Variants in NDRG4 observed in about 807,000 individuals in gnomAD.
NDRG4 encodes the protein NDRG family member 4.
In NDRG4, 38 loss-of-function variants were observed where a neutral mutation model predicts 55.8. That is an observed-to-expected ratio of 0.68 (90% CI 0.53 to 0.89). The LOEUF (loss-of-function observed/expected upper bound fraction) is 0.89, where lower values mean the gene tolerates loss of function less well. NDRG4 is among the 40% of genes least tolerant of loss of function. The pLI, the probability that NDRG4 is intolerant of heterozygous loss-of-function variation, is 0.00. For missense variants in NDRG4, 455 were observed against 468.6 expected, an observed-to-expected ratio of 0.97 and a Z score of 0.27; for synonymous variants, 190 against 182.7, an observed-to-expected ratio of 1.04 and a Z score of -0.32.
chr16:58,482,409 C>T (rs1016610846), intron 1 of NDRG4, among the ~76,000 whole-genome samples: 36 of 152,158 alleles, frequency 2.4e-4, no homozygotes, highest in African/African-American at 8.7e-4. Context: ...TCTAACTTCA[C>T]TCCATTTAAG....
chr16:58,508,385 G>A (rs902967533), intron 10 of NDRG4, among the ~76,000 whole-genome samples: 21 of 152,288 alleles, frequency 1.4e-4, no homozygotes, highest in African/African-American at 4.3e-4. Flanking sequence ...CCCTTTTCCC[G>A]TCACCTGCAG....
rs966610724 is a variant in NDRG4, at chr16:58,464,257, G to A, written c.-24+460G>A. 1.2e-4 allele frequency: 56 copies of A among 464,476 alleles called. No homozygotes were observed. The highest frequency in any genetic ancestry group is 1.0e-4 in the Non-Finnish European group (29 of 280,666). The allele number at this position is 464,476 out of a possible 1,614,324, so 28.8% of individuals were successfully genotyped here. ...TGGATTTTTTTAAACCGTTTTGGAGGGGGGAGCGCGGCGTTGGGGGCGGGA... is the reference window on the plus strand; with the variant it reads ...TGGATTTTTTTAAACCGTTTTGGAGAGGGGAGCGCGGCGTTGGGGGCGGGA... On this transcript the variant is annotated intron_variant, in intron 1 of 15. Coordinates refer to the NDRG4 transcript ENST00000258187. This position sits in a 1 kb window ranked among gnomAD's most constrained non-coding sequence, Gnocchi z 4.8.
intron 5 of NDRG4, among the ~76,000 whole-genome samples, chr16:58,505,718 T>C (rs1221164813): frequency 5.5e-5 from 7 of 127,872 alleles, no homozygotes; most frequent in African/African-American, 9.6e-5. Context: ...ATTTTCTTTT[T>C]TTTTTTTTTT....
intron 1 of NDRG4, among the ~76,000 whole-genome samples, chr16:58,486,414 C>T (rs2035084004): frequency 6.6e-6 from 1 of 151,782 alleles, no homozygotes. Flanking sequence ...CCGGCCTCAG[C>T]CTCTCAAAAT....
At chr16:58,478,879 A>G (rs2034067222) in intron 1 of NDRG4, among the ~76,000 whole-genome samples, 1 of 152,120 alleles carries the variant, frequency 6.6e-6, no homozygotes, top group Admixed American at 6.6e-5. Context: ...ATAGGATTAA[A>G]AAAAGAATCT....
At position 58,512,142 on chromosome 16, in the gene NDRG4, G is replaced by T; in HGVS notation, c.*566G>T. The T allele has an allele frequency of 4.4e-6, 2 of 455,968 alleles. No homozygotes were observed. Among genetic ancestry groups the T allele is most frequent in the South Asian group, 3.1e-5 (2 of 64,420 alleles). The allele number at this position is 455,968 out of a possible 1,614,324, so 28.2% of individuals were successfully genotyped here. A position where few individuals can be genotyped will look rare whatever the true frequency, so the allele number is the denominator to read the frequency against. ...CTCTGGGCCCAGCTGGTGCTGTAGG[G>T]CCACGCAGGCAGGGGCGTCAAGGGG... On this transcript the variant is annotated 3_prime_UTR_variant, in exon 15 of 15. Coordinates refer to ENST00000570248, the MANE Select transcript of NDRG4 (RefSeq NM_001242835.2).
intron 5 of NDRG4, 110 bp downstream of exon 5, chr16:58,504,759 G>T (rs1023298938): frequency 9.1e-7 from 1 of 1,097,072 alleles, no homozygotes; most frequent in Non-Finnish European, 1.4e-6. Flanking sequence ...CCCTGCTCTC[G>T]CTTCTCCTCC....
intron 1 of NDRG4, among the ~76,000 whole-genome samples, chr16:58,470,906 CCAAAAAAAAAAA>C (rs2032659475): frequency 1.3e-5 from 1 of 79,774 alleles, no homozygotes; most frequent in Admixed American, 1.6e-4. Context: ...GACACCATCT[CCAAAAAAAAAAA>C]AAAAAAAAAG....
Position 58,464,391 on chromosome 16 carries a change from C to G in NDRG4, c.-24+594C>G. On this transcript the variant is annotated intron_variant, in intron 1 of 15. Transcript: ENST00000258187. The surrounding 1 kb of genome is among the most constrained non-coding windows in gnomAD (Gnocchi z 4.8). ...CCCGGCTCGGCCGAGCGCGCTGCCC[C>G]GACGCCGCCACCCAGAGCCGGGCCG... The G allele has an allele frequency of 7.3e-7, 1 of 1,369,834 alleles. No individual in the cohort carries two copies. The highest frequency in any genetic ancestry group is 9.4e-7 in the Non-Finnish European group (1 of 1,065,422). 84.9% of individuals were successfully genotyped at this position (1,369,834 alleles called of 1,614,324 possible).
intron 5 of NDRG4, among the ~76,000 whole-genome samples, chr16:58,505,300 G>T (rs530321882): frequency 6.6e-6 from 1 of 151,696 alleles, no homozygotes; most frequent in East Asian, 1.9e-4. Context: ...AGTGAGCTGA[G>T]ATCGCGCCAC....
rs1036108287 is a variant in NDRG4, at chr16:58,478,345, C to T, written c.-23-9411C>T. Among the ~76,000 whole-genome samples, 11 of 151,066 alleles carry T rather than the reference C, an allele frequency of 7.3e-5. No homozygotes were observed. In the South Asian group the frequency reaches 1.2e-3, roughly 17 times the overall value. ...CAGAGGTTGCAGTGAGCCGAGATCG[C>T]GCCATTGCACTCCAGCCTGGGCGAC... is the stretch of plus-strand genomic sequence containing the variant. On this transcript the variant is annotated intron_variant, in intron 1 of 15. Coordinates refer to the NDRG4 transcript ENST00000258187.
At chr16:58,502,354 T>C (rs2037276590) in intron 1 of NDRG4, among the ~76,000 whole-genome samples, 1 of 151,914 alleles carries the variant, frequency 6.6e-6, no homozygotes, top group Admixed American at 6.6e-5. Flanking sequence ...ATCCCCTGGG[T>C]GGTGCAATCA....
Position 58,464,822 on chromosome 16 carries a change from G to A in NDRG4, c.-24+1025G>A, listed in dbSNP as rs551469671. ...GAAAGGACCCGTGGGCTTCTGGCAGGACCCGCGCCATGGACCTCTTATTTC... is the reference window on the plus strand; with the variant it reads ...GAAAGGACCCGTGGGCTTCTGGCAGAACCCGCGCCATGGACCTCTTATTTC... On this transcript the variant is annotated intron_variant, in intron 1 of 15. Coordinates refer to the NDRG4 transcript ENST00000258187. This position sits in a 1 kb window ranked among gnomAD's most constrained non-coding sequence, Gnocchi z 4.8. The A allele has an allele frequency of 4.0e-4, 507 of 1,256,342 alleles. 5 individuals carry two copies. In the East Asian group the frequency reaches 0.011, roughly 26 times the overall value. 77.8% of individuals were successfully genotyped at this position (1,256,342 alleles called of 1,614,324 possible). A position where few individuals can be genotyped will look rare whatever the true frequency, so the allele number is the denominator to read the frequency against.
intron 1 of NDRG4, among the ~76,000 whole-genome samples, chr16:58,470,906 CCAAAAA>C (rs1227290174): frequency 2.5e-5 from 2 of 79,776 alleles, no homozygotes; most frequent in African/African-American, 6.2e-5. Context: ...GACACCATCT[CCAAAAA>C]AAAAAAAAAA....
At position 58,488,444 on chromosome 16, in the gene NDRG4, TTCCC is replaced by T. The variant is rs577846050; in HGVS notation, c.72+603_72+606del. Among the ~76,000 whole-genome samples the T allele has an allele frequency of 5.9e-5, 9 of 152,256 alleles. No homozygotes were observed. In the South Asian group the frequency reaches 1.9e-3, roughly 32 times the overall value. On this transcript the variant is annotated intron_variant, in intron 2 of 15. Coordinates refer to the NDRG4 transcript ENST00000258187. ...TGACAACACCCTGTCCACCTTCCCT[TTCCC>T]TCCCTCCCAGTGCCGTCATACTGGT...
chr16:58,514,495 G>A (rs963508715), downstream of NDRG4, among the ~76,000 whole-genome samples: 1 of 152,072 alleles, frequency 6.6e-6, no homozygotes, highest in Non-Finnish European at 1.5e-5. Context: ...CTAGCACTCT[G>A]GGAGGCCGAG....
At chr16:58,467,970 G>C (rs1032016113) in intron 1 of NDRG4, among the ~76,000 whole-genome samples, 7 of 152,150 alleles carry the variant, frequency 4.6e-5, no homozygotes, top group Admixed American at 2.6e-4. Context: ...TTCCTTCGTT[G>C]GGTTCTCACA....
intron 1 of NDRG4, among the ~76,000 whole-genome samples, chr16:58,478,232 T>C (rs1327819255): frequency 2.0e-5 from 3 of 152,000 alleles, no homozygotes; most frequent in Non-Finnish European, 1.5e-5. Flanking sequence ...CTACTAAAAA[T>C]TCAAAACTTA....
At position 58,508,979 on chromosome 16, in the gene NDRG4, A is replaced by G. The variant is rs538831937; in HGVS notation, c.747A>G (p.Lys249=). Residue 249 remains lysine, a synonymous_variant, in exon 11 of 15, where the codon AAA becomes AAG. Transcript: ENST00000570248. Reference sequence around the variant, plus strand: ...GTCCTCAGGTGGAGTGCAACTCCAAACTGGACCCGACCACTACGACCTTCC... The same window carrying G: ...GTCCTCAGGTGGAGTGCAACTCCAAGCTGGACCCGACCACTACGACCTTCC... The part of the protein sequence containing the change: ...AEDGVVECNS[K]LDPTTTTFLK... 1.5e-5 allele frequency: 24 copies of G among 1,614,028 alleles called. No homozygotes were observed. In the South Asian group the frequency reaches 2.1e-4, roughly 14 times the overall value.
Sources: gnomAD v4.1 joint callset for allele counts (sites outside exome capture counted in the v4.1 genomes callset) on GRCh38, gnomAD v4.1.1 for gene constraint, Gnocchi (gnomAD v3.1) non-coding constraint, MANE v1.5 for transcripts, NCBI Gene and HGNC (gene_info 2026-07-23, HGNC 2026-07-21) for gene names.